Variants in MME observed in about 807,000 individuals in gnomAD.
MME encodes neprilysin.
In MME, 98 loss-of-function variants were observed where a neutral mutation model predicts 113.2. The ratio of observed to expected loss-of-function variants is 0.87; its 90% CI spans 0.74 to 1.02. The LOEUF (loss-of-function observed/expected upper bound fraction) is 1.02, where lower values mean the gene tolerates loss of function less well. Ranked by LOEUF, MME falls within the 50% of genes least tolerant of loss-of-function variation. The pLI, the probability that MME is intolerant of heterozygous loss-of-function variation, is 0.00. For missense variants in MME, 836 were observed against 896.0 expected (o/e 0.93, Z 0.86); for synonymous variants, 292 against 300.6 (o/e 0.97, Z 0.30).
At chr3:155,071,183 C>T (rs1046077357) in intron 1 of MME, among the ~76,000 whole-genome samples, 1 of 152,096 alleles carries the variant, frequency 6.6e-6, no homozygotes, top group African/African-American at 2.4e-5. Flanking sequence ...CTGCGTATTG[C>T]CAGTAAAGGA....
chr3:155,168,836 G>C (rs751488914), intron 20 of MME, 39 bp downstream of exon 20: 2 of 1,523,156 alleles, frequency 1.3e-6, no homozygotes, highest in Admixed American at 1.7e-5. Flanking sequence ...TAGTGATTTA[G>C]AGTGTTTCTC....
intron 1 of MME, among the ~76,000 whole-genome samples, chr3:155,063,502 T>TATATATATTTAAATATATATATTAAAA (rs1302946361): frequency 4.4e-5 from 5 of 113,182 alleles, no homozygotes; most frequent in African/African-American, 7.6e-5. Flanking sequence ...TATATTTAAA[T>TATATATATTTAAATATATATATTAAAA]ATATATATTT....
chr3:155,140,606 G>A lies in MME; in HGVS notation c.957+314G>A, dbSNP rs185564840. Among the ~76,000 whole-genome samples the A allele has an allele frequency of 4.0e-5, 6 of 151,780 alleles. No homozygotes were observed. In the East Asian group the frequency reaches 1.2e-3, roughly 29 times the overall value. ...TAATTCTTGTATTTTTAGTAGAGAT[G>A]AGGTTTGGCCAATCTGGTCTCGAAC... On this transcript the variant is annotated intron_variant, in intron 10 of 22. Coordinates refer to ENST00000360490, the MANE Select transcript of MME (RefSeq NM_007289.4).
At chr3:155,135,578 A>G (rs1397289494) in intron 8 of MME, among the ~76,000 whole-genome samples, 2 of 152,102 alleles carry the variant, frequency 1.3e-5, no homozygotes, top group South Asian at 4.1e-4. Flanking sequence ...TGATGCCTCC[A>G]GTCTTGTTCT....
intron 16 of MME, among the ~76,000 whole-genome samples, chr3:155,154,126 CA>C (rs1313613652): frequency 6.6e-6 from 1 of 152,056 alleles, no homozygotes; most frequent in African/African-American, 2.4e-5. Flanking sequence ...AGAGGATTCA[CA>C]AAAAACAAAA....
intron 1 of MME, among the ~76,000 whole-genome samples, chr3:155,060,733 T>C (rs1714104652): frequency 6.6e-6 from 1 of 150,890 alleles, no homozygotes; most frequent in Non-Finnish European, 1.5e-5. Flanking sequence ...TGGAAGTCTG[T>C]AATCACAGTG....
At chr3:155,061,164 T>C (rs1714122412) in intron 1 of MME, among the ~76,000 whole-genome samples, 1 of 152,160 alleles carries the variant, frequency 6.6e-6, no homozygotes, top group Non-Finnish European at 1.5e-5. Flanking sequence ...AAATTAAAAG[T>C]ATCGCCGGGC....
At chr3:155,131,733 C>A (rs1014266803) in intron 8 of MME, among the ~76,000 whole-genome samples, 5 of 152,118 alleles carry the variant, frequency 3.3e-5, no homozygotes, top group African/African-American at 1.2e-4. Flanking sequence ...GCTCTAGCGT[C>A]CTGCTCCACT....
chr3:155,029,545 T>C (rs1418697510), intron 1 of MME, among the ~76,000 whole-genome samples: 1 of 150,212 alleles, frequency 6.7e-6, no homozygotes, highest in African/African-American at 2.5e-5. Context: ...ACACATAAAA[T>C]TAATTTAGCT....
At chr3:155,072,294 C>A (rs1278854342) in intron 1 of MME, among the ~76,000 whole-genome samples, 2 of 151,988 alleles carry the variant, frequency 1.3e-5, no homozygotes, top group Admixed American at 1.3e-4. Context: ...GACACTCCGA[C>A]TTTATTGCTC....
intron 1 of MME, among the ~76,000 whole-genome samples, chr3:155,050,647 T>A (rs1370589955): frequency 6.6e-6 from 1 of 152,218 alleles, no homozygotes; most frequent in Admixed American, 6.5e-5. Context: ...AAAATGTTTG[T>A]TGATGTCTTT....
rs183099990 is a variant in MME at position 155,100,060 on chromosome 3, T to A, written c.197-14934T>A. 2.2e-4 allele frequency among the ~76,000 whole-genome samples: 33 copies of A among 152,244 alleles called. No homozygotes were observed. In the East Asian group the frequency reaches 6.0e-3, roughly 28 times the overall value. On this transcript the variant is annotated intron_variant, in intron 3 of 22. Transcript: ENST00000360490. The stretch of plus-strand genomic sequence containing the variant: ...GCCAAAATTGACAAATGGGATCTAA[T>A]TAAACTAAAGAGCTTCTGCGCAGCA...
Position 155,142,119 on chromosome 3 carries a change from T to C in MME, c.1086T>C (p.Tyr362=). The C allele has an allele frequency of 6.2e-7, 1 of 1,613,878 alleles. No homozygotes were observed. The highest frequency in any genetic ancestry group is 8.5e-7 in the Non-Finnish European group (1 of 1,179,820). Residue 362 remains tyrosine (Y), a synonymous_variant, in exon 11 of 23, where the codon TAT becomes TAC. Transcript: ENST00000360490. Reference sequence around the variant, plus strand: ...AACTTAAGCCCATTCTTACCAAATATTCTGCCAGGTAGGTATGTCACAGTC... The same window carrying C: ...AACTTAAGCCCATTCTTACCAAATACTCTGCCAGGTAGGTATGTCACAGTC... ...LTKLKPILTK[Y]SARDLQNLMS...
intron 17 of MME, among the ~76,000 whole-genome samples, chr3:155,164,935 G>T (rs1722981575): frequency 6.6e-6 from 1 of 152,130 alleles, no homozygotes; most frequent in African/African-American, 2.4e-5. Context: ...AGTCTTCTCT[G>T]TAAATATCTA....
chr3:155,171,960 T>C (rs911932508), intron 20 of MME, 157 bp from the exon 21 acceptor site: 18 of 604,714 alleles, frequency 3.0e-5, no homozygotes, highest in Non-Finnish European at 5.0e-5. Flanking sequence ...TTTGTCTTTC[T>C]AATCCATAAA....
chr3:155,117,599 GTT>G (rs5853715), intron 7 of MME, among the ~76,000 whole-genome samples: 1 of 131,460 alleles, frequency 7.6e-6, no homozygotes, highest in Non-Finnish European at 1.6e-5. Context: ...TTTTTTTTTT[GTT>G]TTTTTTTTTT....
At chr3:155,042,234 C>A (rs1456975352) in intron 1 of MME, among the ~76,000 whole-genome samples, 3 of 151,442 alleles carry the variant, frequency 2.0e-5, no homozygotes, top group Non-Finnish European at 1.5e-5. Context: ...CAAACTAGTT[C>A]CTGACAATTT....
At chr3:155,172,860 T>C (rs1712139287) in intron 22 of MME, among the ~76,000 whole-genome samples, 1 of 152,086 alleles carries the variant, frequency 6.6e-6, no homozygotes, top group African/African-American at 2.4e-5. Flanking sequence ...GCTCAGGGCT[T>C]GATCTATTCC....
At chr3:155,136,531 A>T (rs754051208) in intron 8 of MME, among the ~76,000 whole-genome samples, 15 of 152,220 alleles carry the variant, frequency 9.9e-5, no homozygotes, top group Admixed American at 2.0e-4. Context: ...TAGTCACAGC[A>T]TTACAGAGTA....
Sources: gnomAD v4.1 joint callset for allele counts (sites outside exome capture counted in the v4.1 genomes callset) on GRCh38, gnomAD v4.1.1 for gene constraint, MANE v1.5 for transcripts, NCBI Gene and HGNC (gene_info 2026-07-23, HGNC 2026-07-21) for gene names.